Variants in FRMD6 observed in about 807,000 individuals in gnomAD.
The protein encoded by FRMD6 is FERM domain-containing protein 6.
FRMD6 carries 37 observed loss-of-function variants against 73.2 expected under a neutral mutation model. The ratio of observed to expected loss-of-function variants is 0.51; its 90% confidence interval spans 0.39 to 0.66. FRMD6 has a LOEUF of 0.66. FRMD6 is among the 30% of genes least tolerant of loss of function. The probability of loss-of-function intolerance (pLI) is 0.00; values close to 1 mark genes in which losing one functional copy is unlikely to be tolerated. For missense variants in FRMD6, 714 were observed against 780.5 expected, an observed-to-expected ratio of 0.91 and a Z score of 1.02; for synonymous variants, 273 against 282.2, an observed-to-expected ratio of 0.97 and a Z score of 0.33.
chr14:51,710,781 A>G (rs1414325176), intron 7 of FRMD6, among the ~76,000 whole-genome samples: 1 of 152,196 alleles, frequency 6.6e-6, no homozygotes, highest in East Asian at 1.9e-4. Flanking sequence ...TATACACTAT[A>G]TATACTTATT....
chr14:51,665,469 T>A (rs557609828), intron 1 of FRMD6, among the ~76,000 whole-genome samples: 124 of 152,336 alleles, frequency 8.1e-4, no homozygotes, highest in Middle Eastern at 3.4e-3. Context: ...TCCTGTCTAA[T>A]GCGTACACAC....
chr14:51,518,384 G>A (rs189626520), intron 1 of FRMD6, among the ~76,000 whole-genome samples: 404 of 152,288 alleles, frequency 2.7e-3, no homozygotes, highest in Non-Finnish European at 3.8e-3. Context: ...GAAAAAGAAT[G>A]CTGGAGTCCC....
chr14:51,712,503 A>T lies in FRMD6; in HGVS notation c.801A>T (p.Gln267His), dbSNP rs1259908935. 1 of 1,598,956 alleles carries T rather than the reference A, an allele frequency of 6.3e-7. No individual in the cohort carries two copies. The highest frequency in any genetic ancestry group is 1.1e-5 in the South Asian group (1 of 90,516). ...QIFQNLDEEK[Q>H]LLYDFPWTNV... The stretch of plus-strand genomic sequence containing the variant: ...CACAGAATTTAGATGAAGAGAAACA[A>T]TTACTTTATGATTTCCCCTGGACAA... The change falls in exon 9 of 14, where the codon CAA becomes CAT. Residue 267 changes from glutamine to histidine, a missense_variant. By Grantham distance (24) the Gln-to-His change is conservative. Coordinates refer to ENST00000344768, the MANE Select transcript of FRMD6 (RefSeq NM_001267046.2).
chr14:51,578,328 C>T (rs1888517999), intron 2 of FRMD6, among the ~76,000 whole-genome samples: 1 of 152,074 alleles, frequency 6.6e-6, no homozygotes, highest in African/African-American at 2.4e-5. Context: ...AAATAAGTGG[C>T]ACAAAGTGGC....
intron 1 of FRMD6, among the ~76,000 whole-genome samples, chr14:51,532,320 G>A (rs1885631150): frequency 7.0e-6 from 1 of 143,296 alleles, no homozygotes; most frequent in Non-Finnish European, 1.5e-5. Context: ...AGTGAGCTGA[G>A]ATAGCACCAC....
At chr14:51,402,465 G>A in the FRMD6 span, among the ~76,000 whole-genome samples, 1 of 152,014 alleles carries the variant, frequency 6.6e-6, no homozygotes, top group Non-Finnish European at 1.5e-5. Flanking sequence ...TTTTAAAAAC[G>A]GGAGTTTCCC....
rs1398921437 is a variant in FRMD6, at chr14:51,729,607, T to A, written c.*1578T>A. ...CCAGTTTTATTAAAAAAACTATATA[T>A]TATTTTCTAAAGAAACAATCATATT... On this transcript the variant is annotated 3_prime_UTR_variant, in exon 14 of 14. Coordinates refer to ENST00000344768, the MANE Select transcript of FRMD6 (RefSeq NM_001267046.2). The A allele has an allele frequency of 6.5e-6, 1 of 152,672 alleles. No individual in the cohort carries two copies. The highest frequency in any genetic ancestry group is 6.5e-5 in the Admixed American group (1 of 15,282). The allele number at this position is 152,672 out of a possible 1,614,324, so 9.5% of individuals were successfully genotyped here.
intron 2 of FRMD6, among the ~76,000 whole-genome samples, chr14:51,625,786 G>A (rs60689591): frequency 0.23 from 35,139 of 151,976 alleles, 4,395 homozygotes; most frequent in East Asian, 0.29. Context: ...CACATCATTT[G>A]AGGAAGCTTT....
At chr14:51,423,020 A>C in the FRMD6 span, among the ~76,000 whole-genome samples, 6 of 152,180 alleles carry the variant, frequency 3.9e-5, no homozygotes, top group African/African-American at 1.4e-4. Flanking sequence ...CCACATGAAC[A>C]TGGAAGTCTT....
chr14:51,448,550 G>A, the FRMD6 span, among the ~76,000 whole-genome samples: 2 of 152,168 alleles, frequency 1.3e-5, no homozygotes, highest in African/African-American at 4.8e-5. Flanking sequence ...TGTGTAATCC[G>A]AGGTAGAAAT....
intron 1 of FRMD6, among the ~76,000 whole-genome samples, chr14:51,527,876 C>T (rs1885351853): frequency 6.6e-6 from 1 of 152,174 alleles, no homozygotes; most frequent in Non-Finnish European, 1.5e-5. Flanking sequence ...CACAGAAGGA[C>T]TCCTTCAGTG....
At chr14:51,502,075 T>G (rs1173591003) in intron 1 of FRMD6, among the ~76,000 whole-genome samples, 1 of 152,206 alleles carries the variant, frequency 6.6e-6, no homozygotes, top group East Asian at 1.9e-4. Flanking sequence ...TAGGGTTGTT[T>G]TTTTCTTGTA....
At position 51,728,092 on chromosome 14, in the gene FRMD6, G is replaced by A. The variant is rs1898086571; in HGVS notation, c.*63G>A. ...TTGCTAGAGGATGCGAAAGTCATAA[G>A]TTCTTTACATATTACTTGTGCCATA... On this transcript the variant is annotated 3_prime_UTR_variant, in exon 14 of 14. Coordinates refer to ENST00000344768, the MANE Select transcript of FRMD6 (RefSeq NM_001267046.2). 2 of 1,454,210 alleles carry A rather than the reference G, an allele frequency of 1.4e-6. No individual in the cohort carries two copies. The allele number at this position is 1,454,210 out of a possible 1,614,324, so 90.1% of individuals were successfully genotyped here.
the FRMD6 span, among the ~76,000 whole-genome samples, chr14:51,464,644 T>A: frequency 9.2e-5 from 14 of 152,260 alleles, no homozygotes; most frequent in East Asian, 1.4e-3. Flanking sequence ...ACTGGCCTTC[T>A]CCATAATAGT....
Position 51,525,252 on chromosome 14 carries a change from CTTTA to C in FRMD6, c.-210+35844_-210+35847del, listed in dbSNP as rs890958703. Among the ~76,000 whole-genome samples, 3 of 151,708 alleles carry C rather than the reference CTTTA, an allele frequency of 2.0e-5. No individual in the cohort carries two copies. In the East Asian group the frequency reaches 5.8e-4, roughly 29 times the overall value. On this transcript the variant is annotated intron_variant, in intron 1 of 14. Transcript: ENST00000356218. ...TCAGACTTGTTTTTTAAAGGCCCTTCTTTATTTATTTATTTTTATTTATTTATTT... is the reference window on the plus strand; with the variant it reads ...TCAGACTTGTTTTTTAAAGGCCCTTCTTTATTTATTTTTATTTATTTATTT...
At chr14:51,674,929 G>T (rs10130434) in intron 1 of FRMD6, among the ~76,000 whole-genome samples, 20,665 of 152,130 alleles carry the variant, frequency 0.14, 1,522 homozygotes, top group Non-Finnish European at 0.16. Flanking sequence ...GACCAGAGAG[G>T]TTCACTGTTA....
intron 1 of FRMD6, among the ~76,000 whole-genome samples, chr14:51,680,902 T>TTATCC (rs1163398755): frequency 6.6e-6 from 1 of 152,220 alleles, no homozygotes; most frequent in East Asian, 1.9e-4. Context: ...GAATTATTTC[T>TTATCC]TATCCATTCG....
chr14:51,591,579 T>A (rs1889401300), intron 2 of FRMD6, among the ~76,000 whole-genome samples: 1 of 152,214 alleles, frequency 6.6e-6, no homozygotes, highest in Admixed American at 6.5e-5. Flanking sequence ...TCTTTCTTTT[T>A]CCAAGACGGC....
chr14:51,473,882 C>G, the FRMD6 span, among the ~76,000 whole-genome samples: 1 of 151,394 alleles, frequency 6.6e-6, no homozygotes, highest in South Asian at 2.1e-4. Context: ...TTCCCCTGAC[C>G]TAGAGCTATC....
Sources: gnomAD v4.1 joint callset for allele counts (sites outside exome capture counted in the v4.1 genomes callset) on GRCh38, gnomAD v4.1.1 for gene constraint, MANE v1.5 for transcripts, NCBI Gene and HGNC (gene_info 2026-07-23, HGNC 2026-07-21) for gene names.